Variants in MEAK7 observed in about 807,000 individuals in gnomAD.
MEAK7 encodes MTOR associated protein MEAK7.
In MEAK7, 68 loss-of-function variants were observed where a neutral mutation model predicts 40.5. The ratio of observed to expected loss-of-function variants is 1.68; its 90% CI spans 1.38 to 2.06. The LOEUF is 2.06. MEAK7 is among the 30% of genes most tolerant of loss of function. The pLI, the probability that MEAK7 is intolerant of heterozygous loss-of-function variation, is 0.00. For synonymous variants in MEAK7, 338 were observed against 231.9 expected, an observed-to-expected ratio of 1.46 and a Z score of -4.16; for missense variants, 918 against 580.5, an observed-to-expected ratio of 1.58 and a Z score of -5.98.
chr16:84,487,881 C>A (rs139387333), intron 4 of MEAK7: 1 of 152,158 alleles, frequency 6.6e-6, no homozygotes, highest in African/African-American at 2.4e-5. Flanking sequence ...CTGCCCCGCT[C>A]GGTTATTACA....
intron 6 of MEAK7, among the ~76,000 whole-genome samples, chr16:84,481,626 G>A (rs939145929): frequency 6.6e-6 from 1 of 152,160 alleles, no homozygotes. Context: ...AACAGGGCTG[G>A]ATTTTCCCAA....
chr16:84,481,660 G>A (rs113184005), intron 6 of MEAK7, among the ~76,000 whole-genome samples: 51 of 152,334 alleles, frequency 3.3e-4, no homozygotes, highest in Middle Eastern at 3.4e-3. Flanking sequence ...TCAGCTGGGC[G>A]CAGTGGCTCA....
chr16:84,493,912 G>A (rs1913832698), intron 3 of MEAK7, among the ~76,000 whole-genome samples: 1 of 152,116 alleles, frequency 6.6e-6, no homozygotes, highest in Non-Finnish European at 1.5e-5. Flanking sequence ...GTCACTTTCT[G>A]ACAGGCCCAA....
chr16:84,487,365 T>C (rs1403726234), intron 4 of MEAK7: 3 of 316,462 alleles, frequency 9.5e-6, no homozygotes, highest in African/African-American at 2.1e-5. Context: ...ACATGGTCCC[T>C]AGAAAAGGGA....
chr16:84,487,194 T>C lies in MEAK7; in HGVS notation c.530-135A>G, dbSNP rs959747179. On this transcript the variant is annotated intron_variant, in intron 4 of 7. Transcript: ENST00000343629. ...GCACAGAAAACAGGGCTCGTGTGAA[T>C]TGAGAGGTGCCGTCAGTGTAAAAGG... is the stretch of plus-strand genomic sequence containing the variant. 57 of 801,350 alleles carry C rather than the reference T, an allele frequency of 7.1e-5. No homozygotes were observed. In the East Asian group the frequency reaches 8.1e-4, roughly 11 times the overall value. The allele number at this position is 801,350 out of a possible 1,614,324, so 49.6% of individuals were successfully genotyped here.
chr16:84,492,271 T>C (rs1913680325), intron 3 of MEAK7, among the ~76,000 whole-genome samples: 1 of 152,210 alleles, frequency 6.6e-6, no homozygotes. Context: ...CAAGGTTTTC[T>C]TGGAGCATAA....
Position 84,489,293 on chromosome 16 carries a change from C to G in MEAK7, c.514G>C (p.Asp172His). The change falls in exon 4 of 8, where the codon GAC (aspartate) becomes CAC (histidine). Residue 172 changes from aspartate to histidine, a missense_variant. Asp to His is a moderately conservative substitution (Grantham distance 81). Coordinates refer to ENST00000343629, the MANE Select transcript of MEAK7 (RefSeq NM_020947.4). ...VQVLAAQLLS[D>H]MKLQDGKRLL... ...GCACACTTGCCTTGCAGCTTCATGT[C>G]AGAGAGCAGCTGAGCAGCCAGCACC... The G allele has an allele frequency of 6.2e-7, 1 of 1,614,114 alleles. No homozygotes were observed. The highest frequency in any genetic ancestry group is 8.5e-7 in the Non-Finnish European group (1 of 1,179,998).
intron 4 of MEAK7, 140 bp from the exon 5 acceptor site, chr16:84,487,199 A>G: frequency 1.4e-6 from 1 of 737,742 alleles, no homozygotes; most frequent in Non-Finnish European, 2.1e-6. Flanking sequence ...GTGAATTGAG[A>G]GGTGCCGTCA....
chr16:84,490,842 A>G (rs539719537), intron 3 of MEAK7, among the ~76,000 whole-genome samples: 1 of 152,032 alleles, frequency 6.6e-6, no homozygotes. Flanking sequence ...CGCTGTATGA[A>G]GGACCTAAAA....
Position 84,488,964 on chromosome 16 carries a change from C to T in MEAK7, c.529+314G>A, listed in dbSNP as rs796245949. 8.6e-5 allele frequency among the ~76,000 whole-genome samples: 13 copies of T among 152,018 alleles called. 1 individual carries two copies. Among genetic ancestry groups the T allele is most frequent in the African/African-American group, 3.1e-4 (13 of 41,476 alleles). On this transcript the variant is annotated intron_variant, in intron 4 of 7. Coordinates refer to ENST00000343629, the MANE Select transcript of MEAK7 (RefSeq NM_020947.4). ...AAATAAATAGAAACTAGAAAGACAA[C>T]AGAAAATTAATGAAACTAAAAGCTG...
chr16:84,489,746 A>G (rs952428833), intron 3 of MEAK7, among the ~76,000 whole-genome samples: 3 of 151,980 alleles, frequency 2.0e-5, no homozygotes, highest in Non-Finnish European at 2.9e-5. Context: ...CCCAGGAGCT[A>G]CCCCCTCCAG....
chr16:84,483,363 C>A (rs1175769411), intron 5 of MEAK7, among the ~76,000 whole-genome samples: 1 of 152,254 alleles, frequency 6.6e-6, no homozygotes, highest in Non-Finnish European at 1.5e-5. Flanking sequence ...GGGCCGTAGG[C>A]CAGGCCTCGT....
At chr16:84,500,499 T>C (rs1914408198) in intron 1 of MEAK7, among the ~76,000 whole-genome samples, 1 of 152,194 alleles carries the variant, frequency 6.6e-6, no homozygotes, top group South Asian at 2.1e-4. Context: ...GATGGGCCTT[T>C]AACAGGCCTC....
chr16:84,487,265 T>C (rs1041018138), intron 4 of MEAK7: 4 of 527,836 alleles, frequency 7.6e-6, no homozygotes, highest in African/African-American at 3.8e-5. Context: ...ATGTAAAATA[T>C]CTCAATTTTT....
At chr16:84,480,915 T>C (rs1912479918) in intron 6 of MEAK7, among the ~76,000 whole-genome samples, 1 of 152,212 alleles carries the variant, frequency 6.6e-6, no homozygotes, top group African/African-American at 2.4e-5. Context: ...AGAACAGTCA[T>C]CTATGTCTCC....
intron 1 of MEAK7, chr16:84,503,922 C>T (rs1368985680): frequency 1.0e-6 from 1 of 985,474 alleles, no homozygotes; most frequent in Non-Finnish European, 1.2e-6. Context: ...TCCAAGGGCC[C>T]CGCATCCCTA....
At chr16:84,504,186 G>T in intron 1 of MEAK7, 2 of 983,470 alleles carry the variant, frequency 2.0e-6, no homozygotes, top group South Asian at 4.7e-5. Context: ...AATACAAGAA[G>T]GAAAACCCCC....
chr16:84,500,642 A>C (rs1914421632), intron 1 of MEAK7, among the ~76,000 whole-genome samples: 1 of 152,226 alleles, frequency 6.6e-6, no homozygotes, highest in South Asian at 2.1e-4. Flanking sequence ...CCCACGCCCC[A>C]TCTGATCTCA....
intron 2 of MEAK7, chr16:84,497,379 G>A (rs1255688251): frequency 8.1e-7 from 1 of 1,241,624 alleles, no homozygotes; most frequent in African/African-American, 1.6e-5. Context: ...TGATTATTTT[G>A]TTAGGAATAT....
Sources: allele counts gnomAD v4.1 joint callset (sites outside exome capture counted in the v4.1 genomes callset), GRCh38; gene constraint gnomAD v4.1.1; transcripts MANE v1.5; gene names NCBI Gene and HGNC (gene_info 2026-07-23, HGNC 2026-07-21).